The following MSH3 variants were observed in gnomAD, a reference collection of about 807,000 sequenced individuals.
The protein encoded by MSH3 is DNA mismatch repair protein Msh3.
In MSH3, 106 loss-of-function variants were observed where a neutral mutation model predicts 123.3. The observed-to-expected ratio is 0.86, with a 90% CI of 0.73 to 1.01. The LOEUF (loss-of-function observed/expected upper bound fraction) is 1.01, where lower values mean the gene tolerates loss of function less well. Ranked by LOEUF, MSH3 falls within the 50% of genes least tolerant of loss-of-function variation. The probability of loss-of-function intolerance (pLI) is 0.00; values close to 1 mark genes in which losing one functional copy is unlikely to be tolerated. For missense variants in MSH3, 1,459 were observed against 1,347.6 expected (o/e 1.08, Z -1.29); for synonymous variants, 515 against 481.4 (o/e 1.07, Z -0.91).
chr5:80,742,230 G>C (rs545259502), intron 11 of MSH3, among the ~76,000 whole-genome samples: 2 of 152,218 alleles, frequency 1.3e-5, no homozygotes, highest in East Asian at 1.9e-4. Context: ...GGCTGGTCTC[G>C]AACTGTTGAC....
chr5:80,739,966 T>C (rs948554071), intron 10 of MSH3, among the ~76,000 whole-genome samples: 23 of 152,112 alleles, frequency 1.5e-4, no homozygotes, highest in Admixed American at 6.5e-5. Context: ...ATGAGAAGGG[T>C]GGTTAGGTTT....
At chr5:80,829,478 C>T (rs766693511) in intron 20 of MSH3, among the ~76,000 whole-genome samples, 1 of 152,066 alleles carries the variant, frequency 6.6e-6, no homozygotes, top group Non-Finnish European at 1.5e-5. Flanking sequence ...GCTTTCTATG[C>T]GTCTGTTGAT....
intron 4 of MSH3, among the ~76,000 whole-genome samples, chr5:80,671,743 T>A (rs1749728659): frequency 6.6e-6 from 1 of 152,150 alleles, no homozygotes; most frequent in Admixed American, 6.5e-5. Flanking sequence ...ACATGGTGCT[T>A]CATGGTTCTA....
intron 8 of MSH3, among the ~76,000 whole-genome samples, chr5:80,719,259 G>A (rs1376204702): frequency 6.6e-6 from 1 of 152,000 alleles, no homozygotes; most frequent in Non-Finnish European, 1.5e-5. Context: ...TGTTGGCCAG[G>A]AAGGTCTCAA....
chr5:80,816,465 G>A (rs1411560184), intron 20 of MSH3, among the ~76,000 whole-genome samples: 1 of 152,206 alleles, frequency 6.6e-6, no homozygotes, highest in Non-Finnish European at 1.5e-5. Context: ...TCCTCCAGGA[G>A]AGCAAGATTC....
In MSH3 at chr5:80,787,564, G is replaced by A. The variant is rs200639359; in HGVS notation, c.2436-1G>A. On this transcript the variant is annotated splice_acceptor_variant, in intron 17 of 23. Transcript: ENST00000265081. LOFTEE classifies it high-confidence loss of function. ...TTTTGTTGTTGCTGCTGCTTCCGTA[G>A]GAAATTCAGTGAACATTATCACTCC... 41 of 1,610,192 alleles carry A rather than the reference G, an allele frequency of 2.5e-5. No homozygotes were observed. The highest frequency in any genetic ancestry group is 3.3e-5 in the Non-Finnish European group (39 of 1,176,764).
chr5:80,822,092 C>T (rs747512164), intron 20 of MSH3, among the ~76,000 whole-genome samples: 7 of 152,112 alleles, frequency 4.6e-5, no homozygotes, highest in Non-Finnish European at 8.8e-5. Flanking sequence ...TGTGAGTAAA[C>T]CGGCTGTGTA....
intron 8 of MSH3, among the ~76,000 whole-genome samples, chr5:80,696,096 G>A (rs1324043145): frequency 6.6e-6 from 1 of 152,186 alleles, no homozygotes; most frequent in Non-Finnish European, 1.5e-5. Flanking sequence ...AGGAGTTCCA[G>A]CTTCCCATGT....
At chr5:80,799,731 C>A (rs1483461032) in intron 19 of MSH3, among the ~76,000 whole-genome samples, 1 of 151,842 alleles carries the variant, frequency 6.6e-6, no homozygotes, top group Non-Finnish European at 1.5e-5. Context: ...AGCAAGCGTC[C>A]CCATTGAGAC....
At chr5:80,852,588 T>C (rs1745848470) in intron 20 of MSH3, among the ~76,000 whole-genome samples, 1 of 152,212 alleles carries the variant, frequency 6.6e-6, no homozygotes. Context: ...AAAGGAAATA[T>C]TGTTAAAGTA....
At chr5:80,777,379 A>G (rs992513748) in intron 16 of MSH3, among the ~76,000 whole-genome samples, 2 of 151,130 alleles carry the variant, frequency 1.3e-5, no homozygotes, top group East Asian at 3.9e-4. Flanking sequence ...TCTTTCCTTT[A>G]TCTGTTTTTG....
chr5:80,769,790 G>A lies in MSH3; in HGVS notation c.2253+787G>A, dbSNP rs936259277. On this transcript the variant is annotated intron_variant, in intron 15 of 23. Transcript: ENST00000265081. ...ATTTTCAAAAAATAGATATTTTTCC[G>A]GTGGGGAAGAACTTAATTTCAAATC... is the stretch of plus-strand genomic sequence containing the variant. 3.3e-5 allele frequency among the ~76,000 whole-genome samples: 5 copies of A among 152,000 alleles called. No homozygotes were observed. The East Asian group carries it at 7.7e-4, about 23-fold the overall frequency.
At chr5:80,861,157 G>A (rs1210406228) in intron 21 of MSH3, among the ~76,000 whole-genome samples, 1 of 152,170 alleles carries the variant, frequency 6.6e-6, no homozygotes, top group Non-Finnish European at 1.5e-5. Context: ...CCATAGCTAT[G>A]TCTGGTTCTG....
chr5:80,675,771 A>G (rs1441375015), intron 7 of MSH3, among the ~76,000 whole-genome samples: 1 of 152,200 alleles, frequency 6.6e-6, no homozygotes, highest in Non-Finnish European at 1.5e-5. Context: ...GATAGACACA[A>G]TGGCAGACAT....
intron 22 of MSH3, among the ~76,000 whole-genome samples, chr5:80,866,664 T>C (rs561343344): frequency 6.6e-6 from 1 of 152,362 alleles, no homozygotes; most frequent in Admixed American, 6.5e-5. Context: ...ATTGTGTTAA[T>C]TGAGAATCTT....
intron 21 of MSH3, among the ~76,000 whole-genome samples, chr5:80,856,781 CACTT>C (rs1226500016): frequency 1.3e-5 from 2 of 152,180 alleles, no homozygotes; most frequent in African/African-American, 2.4e-5. Flanking sequence ...TTGCTGTAAT[CACTT>C]ACTAATTCCA....
At chr5:80,817,107 A>G (rs1745117280) in intron 20 of MSH3, among the ~76,000 whole-genome samples, 1 of 152,224 alleles carries the variant, frequency 6.6e-6, no homozygotes, top group African/African-American at 2.4e-5. Flanking sequence ...AAAACTGCCA[A>G]GATTTCATAG....
At chr5:80,708,981 G>C (rs1408930372) in intron 8 of MSH3, among the ~76,000 whole-genome samples, 3 of 151,842 alleles carry the variant, frequency 2.0e-5, no homozygotes, top group African/African-American at 7.3e-5. Context: ...CACCATGTTG[G>C]CCAGGCTGGT....
chr5:80,761,678 A>T lies in MSH3; in HGVS notation c.1896A>T (p.Lys632Asn). ...ERGLCSIYHK[K>N]CSTQEFFLIV... ...GACTCTGTAGCATTTATCACAAAAA[A>T]GTAAGTGTGATAGAAATCTATTAAA... Residue 632 changes from lysine (K) to asparagine (N), a missense_variant and splice_region_variant, in exon 13 of 24, where the codon AAA becomes AAT. Lys to Asn is a moderately conservative substitution (Grantham distance 94). Transcript: ENST00000265081. 1.9e-6 allele frequency: 3 copies of T among 1,614,148 alleles called. No homozygotes were observed. Among genetic ancestry groups the T allele is most frequent in the Non-Finnish European group, 2.5e-6 (3 of 1,179,996 alleles).
Sources: gnomAD v4.1 joint callset for allele counts (sites outside exome capture counted in the v4.1 genomes callset) on GRCh38, gnomAD v4.1.1 for gene constraint, MANE v1.5 for transcripts, NCBI Gene and HGNC (gene_info 2026-07-23, HGNC 2026-07-21) for gene names.